ASGR1: variants seen among roughly 807,000 people sequenced by gnomAD.
ASGR1 encodes asialoglycoprotein receptor 1.
Under a neutral mutation model 33.1 loss-of-function variants are expected in ASGR1, and 35 were observed. The observed-to-expected ratio is 1.06, with a 90% CI of 0.81 to 1.40. ASGR1 has a LOEUF of 1.40. ASGR1 is among the 40% of genes most tolerant of loss of function. The pLI, the probability that ASGR1 is intolerant of heterozygous loss-of-function variation, is 0.00. For synonymous variants in ASGR1, 142 were observed against 152.5 expected (o/e 0.93, Z 0.51); for missense variants, 396 against 373.7 (o/e 1.06, Z -0.49).
intron 5 of ASGR1, among the ~76,000 whole-genome samples, chr17:7,175,934 C>G (rs1168045261): frequency 1.3e-5 from 2 of 149,670 alleles, no homozygotes; most frequent in Admixed American, 1.3e-4. Flanking sequence ...CTCTCATTCC[C>G]CCACACACGC....
chr17:7,175,783 T>TCACACACACA, intron 5 of ASGR1, among the ~76,000 whole-genome samples: 1 of 145,120 alleles, frequency 6.9e-6, no homozygotes, highest in East Asian at 2.1e-4. Flanking sequence ...ACACAGGCTC[T>TCACACACACA]CACACACACA....
intron 2 of ASGR1, chr17:7,177,707 A>C (rs1324941600): frequency 4.6e-5 from 10 of 216,568 alleles, no homozygotes; most frequent in African/African-American, 2.3e-4. Context: ...GAAAGAAGGA[A>C]GGTTTCTTTC....
chr17:7,175,815 A>T (rs967781360), intron 5 of ASGR1, among the ~76,000 whole-genome samples: 4 of 148,788 alleles, frequency 2.7e-5, no homozygotes, highest in African/African-American at 1.0e-4. Context: ...TCATTCTCAC[A>T]GACACACACT....
chr17:7,177,287 G>C lies in ASGR1; in HGVS notation c.110C>G (p.Ser37Cys), dbSNP rs756039571. Residue 37 changes from serine to cysteine, a missense_variant, in exon 3 of 9, where the codon TCC becomes TGC. Coordinates refer to ENST00000269299, the MANE Select transcript of ASGR1 (RefSeq NM_001671.5). Reference protein sequence around the residue: ...PPQPLLQRLCSGPRLLLLSLG... With the variant: ...PPQPLLQRLCCGPRLLLLSLG... ...GGAGAGCAGGAGGAGGCGAGGTCCG[G>C]AGCAGAGACGCTGCAGGAGGGGCTG... The C allele has an allele frequency of 3.7e-6, 6 of 1,613,784 alleles. No homozygotes were observed. The Admixed American group carries it at 6.7e-5, about 18-fold the overall frequency.
Position 7,173,669 on chromosome 17 carries a change from G to A in ASGR1, c.866C>T (p.Pro289Leu). ...CATTGAAGAAATAAATTAAAGGAGA[G>A]GTGGCTCCTGGCTGGCCTTGTCCAG... The part of the protein sequence containing the change: ...TELDKASQEP[P>L]LL The change falls in exon 9 of 9, where the codon CCT becomes CTT. Residue 289 changes from proline (P) to leucine (L), a missense_variant. Pro to Leu is a moderately conservative substitution (Grantham distance 98). Transcript: ENST00000269299. The surrounding 1 kb of genome is among the most constrained non-coding windows in gnomAD (Gnocchi z 4.7). The A allele has an allele frequency of 1.2e-6, 2 of 1,613,476 alleles. No individual in the cohort carries two copies. The highest frequency in any genetic ancestry group is 2.7e-5 in the African/African-American group (2 of 75,064).
intron 5 of ASGR1, among the ~76,000 whole-genome samples, chr17:7,176,043 C>G (rs1255648666): frequency 1.1e-4 from 5 of 43,618 alleles, no homozygotes; most frequent in African/African-American, 3.5e-4. Flanking sequence ...CCCACTCCCT[C>G]ATTCACACAG....
chr17:7,176,501 ACT>A (rs1369197955), intron 5 of ASGR1: 1 of 461,904 alleles, frequency 2.2e-6, no homozygotes, highest in African/African-American at 2.1e-5. Flanking sequence ...TCATTCTCAC[ACT>A]CAGACACACA....
chr17:7,173,788 G>A lies in ASGR1; in HGVS notation c.747C>T (p.Leu249=), dbSNP rs756743716. ...AGTGGGCACAGTCCTCGCCTCCTCC[G>A]AGCCCGTGGCCGTACCAGTCGTCCG... is the stretch of plus-strand genomic sequence containing the variant. ...EQPDDWYGHG[L]GGGEDCAHFT... The change falls in exon 9 of 9, where the codon CTC becomes CTT. Residue 249 remains leucine, a synonymous_variant. Transcript: ENST00000269299. The surrounding 1 kb of genome is among the most constrained non-coding windows in gnomAD (Gnocchi z 4.7). The A allele has an allele frequency of 1.9e-6, 3 of 1,612,606 alleles. No homozygotes were observed. The highest frequency in any genetic ancestry group is 2.5e-6 in the Non-Finnish European group (3 of 1,179,906).
In ASGR1 at chr17:7,173,981, C is replaced by G; in HGVS notation, c.681G>C (p.Thr227=). The change falls in exon 8 of 9, where the codon ACG becomes ACC. Residue 227 remains threonine, a synonymous_variant. Transcript: ENST00000269299. This position sits in a 1 kb window ranked among gnomAD's most constrained non-coding sequence, Gnocchi z 4.7. ...QNGPWKWVDG[T]DYETGFKNWR... ...CTCACTTGAAGCCCGTCTCGTAGTC[C>G]GTCCCGTCCACCCACTTCCAGGGCC... The G allele has an allele frequency of 6.2e-7, 1 of 1,614,216 alleles. No homozygotes were observed. The highest frequency in any genetic ancestry group is 2.2e-5 in the East Asian group (1 of 44,888).
intron 5 of ASGR1, 84 bp from the exon 6 acceptor site, chr17:7,174,544 T>A (rs1482135990): frequency 7.0e-7 from 1 of 1,420,272 alleles, no homozygotes; most frequent in South Asian, 1.3e-5. Context: ...CCCTACATCC[T>A]CCTGCTGGGA....
chr17:7,174,486 G>A (rs376742824), intron 5 of ASGR1, 26 bp from the exon 6 acceptor site: 8 of 1,603,756 alleles, frequency 5.0e-6, no homozygotes, highest in Non-Finnish European at 6.0e-6. Flanking sequence ...GGAGGGGAGC[G>A]GGAGGAGATG....
chr17:7,174,103 G>GGCCA (rs773566687), intron 7 of ASGR1, 35 bp downstream of exon 7: 1 of 1,614,116 alleles, frequency 6.2e-7, no homozygotes, highest in South Asian at 1.1e-5. Flanking sequence ...ATCTCTCCGA[G>GGCCA]GCCAGCCAGC....
At chr17:7,175,275 C>T (rs747460760) in intron 5 of ASGR1, among the ~76,000 whole-genome samples, 3 of 147,754 alleles carry the variant, frequency 2.0e-5, no homozygotes, top group Non-Finnish European at 4.5e-5. Flanking sequence ...ACACACGGAA[C>T]ACACCCTAAT....
chr17:7,176,099 C>T (rs1292525659), intron 5 of ASGR1, among the ~76,000 whole-genome samples: 7 of 151,254 alleles, frequency 4.6e-5, no homozygotes, highest in Non-Finnish European at 1.0e-4. Flanking sequence ...CTCACACACA[C>T]TCCCTCTCAT....
At chr17:7,174,665 C>T (rs2069174024) in intron 5 of ASGR1, among the ~76,000 whole-genome samples, 1 of 147,136 alleles carries the variant, frequency 6.8e-6, no homozygotes, top group Non-Finnish European at 1.5e-5. Flanking sequence ...CACACACACT[C>T]ACACAGACAC....
In ASGR1 at chr17:7,173,472, C is replaced by A; in HGVS notation, c.*187G>T. On this transcript the variant is annotated 3_prime_UTR_variant, in exon 9 of 9. Coordinates refer to ENST00000269299, the MANE Select transcript of ASGR1 (RefSeq NM_001671.5). This position sits in a 1 kb window ranked among gnomAD's most constrained non-coding sequence, Gnocchi z 4.7. The stretch of plus-strand genomic sequence containing the variant: ...TTTACTCTTAAAAAAAAAAAGTTCA[C>A]AATGATAACCTGCAAACTGCAGAAA... The A allele has an allele frequency of 2.7e-6, 2 of 745,876 alleles. No homozygotes were observed. Among genetic ancestry groups the A allele is most frequent in the Non-Finnish European group, 4.2e-6 (2 of 475,526 alleles). 46.2% of individuals were successfully genotyped at this position (745,876 alleles called of 1,614,324 possible).
At chr17:7,175,736 C>T (rs2069191495) in intron 5 of ASGR1, among the ~76,000 whole-genome samples, 1 of 150,864 alleles carries the variant, frequency 6.6e-6, no homozygotes, top group Non-Finnish European at 1.5e-5. Context: ...CAGACTCTCC[C>T]ACTCACAAAC....
intron 2 of ASGR1, 151 bp from the exon 3 acceptor site, chr17:7,177,477 G>T (rs1316447179): frequency 1.6e-6 from 1 of 613,994 alleles, no homozygotes; most frequent in Non-Finnish European, 2.8e-6. Flanking sequence ...ACCCTGCAGG[G>T]CCAGAGGCAA....
At chr17:7,176,011 CAG>C (rs1283729821) in intron 5 of ASGR1, among the ~76,000 whole-genome samples, 4 of 147,654 alleles carry the variant, frequency 2.7e-5, no homozygotes, top group African/African-American at 2.5e-5. Flanking sequence ...CACATAAACA[CAG>C]ACTCACACTC....
Sources: gnomAD v4.1 joint callset for allele counts (sites outside exome capture counted in the v4.1 genomes callset) on GRCh38, gnomAD v4.1.1 for gene constraint, Gnocchi (gnomAD v3.1) non-coding constraint, MANE v1.5 for transcripts, NCBI Gene and HGNC (gene_info 2026-07-23, HGNC 2026-07-21) for gene names.